RFPL1: variants seen among roughly 807,000 people sequenced by gnomAD.
RFPL1 encodes ret finger protein like 1.
Under a neutral mutation model 9.6 loss-of-function variants are expected in RFPL1, and 6 were observed. The ratio of observed to expected loss-of-function variants is 0.62; its 90% CI spans 0.34 to 1.23. The LOEUF (loss-of-function observed/expected upper bound fraction) is 1.23. Ranked by LOEUF, RFPL1 falls within the 50% of genes most tolerant of loss-of-function variation. The pLI, the probability that RFPL1 is intolerant of heterozygous loss-of-function variation, is 0.03. For synonymous variants in RFPL1, 145 were observed against 149.4 expected (o/e 0.97, Z 0.22); for missense variants, 352 against 398.4 (o/e 0.88, Z 0.99).
chr22:29,432,164 G>T, the RFPL1 span, among the ~76,000 whole-genome samples: 1 of 152,086 alleles, frequency 6.6e-6, no homozygotes, highest in Admixed American at 6.6e-5. Context: ...AGACATTAAG[G>T]GCTCCTTACC....
chr22:29,396,998 C>T, the RFPL1 span, among the ~76,000 whole-genome samples: 1 of 151,246 alleles, frequency 6.6e-6, no homozygotes, highest in Admixed American at 6.6e-5. Flanking sequence ...GCTCCGCCTC[C>T]CGGGTTCACG....
chr22:29,401,098 G>A, the RFPL1 span, among the ~76,000 whole-genome samples: 1 of 152,122 alleles, frequency 6.6e-6, no homozygotes, highest in Admixed American at 6.5e-5. Flanking sequence ...ATTAGACACA[G>A]CCTTTTAAAG....
chr22:29,409,352 A>G, the RFPL1 span, among the ~76,000 whole-genome samples: 1 of 152,238 alleles, frequency 6.6e-6, no homozygotes, highest in East Asian at 1.9e-4. Context: ...ACTATTTCGC[A>G]TTGATGAAGT....
exon 2 of RFPL1, chr22:29,442,291 T>C (rs974331455): frequency 2.3e-5 from 11 of 475,120 alleles, no homozygotes; most frequent in South Asian, 6.9e-5. Flanking sequence ...GAGTCCTAAG[T>C]ATTAATTATT....
the RFPL1 span, among the ~76,000 whole-genome samples, chr22:29,400,426 GTC>G: frequency 6.6e-6 from 1 of 152,200 alleles, no homozygotes; most frequent in African/African-American, 2.4e-5. Flanking sequence ...TAGAAGAAAT[GTC>G]TCTAGTCACA....
the RFPL1 span, among the ~76,000 whole-genome samples, chr22:29,426,142 G>A: frequency 2.0e-5 from 3 of 151,536 alleles, no homozygotes; most frequent in Admixed American, 2.0e-4. Context: ...GGCTAACATG[G>A]CCAAACCCCT....
chr22:29,442,409 A>T, exon 2 of RFPL1: 1 of 251,626 alleles, frequency 4.0e-6, no homozygotes, highest in East Asian at 7.3e-5. Context: ...GTAAGTTCAA[A>T]TTAATGTATT....
chr22:29,409,798 G>A, the RFPL1 span, among the ~76,000 whole-genome samples: 7 of 152,034 alleles, frequency 4.6e-5, no homozygotes, highest in South Asian at 2.1e-4. Flanking sequence ...TTTGATTGCC[G>A]TCATCCACCA....
upstream of RFPL1, among the ~76,000 whole-genome samples, chr22:29,435,287 C>A (rs1024099502): frequency 6.6e-6 from 1 of 152,224 alleles, no homozygotes. Flanking sequence ...CACCCTGCAC[C>A]GTGCTGCTGT....
chr22:29,436,397 C>T (rs2062808921), upstream of RFPL1: 1 of 151,844 alleles, frequency 6.6e-6, no homozygotes, highest in South Asian at 2.1e-4. Flanking sequence ...TAGAGACTAG[C>T]CTGGCCAGAA....
chr22:29,437,785 T>C (rs2062815792), upstream of RFPL1: 1 of 1,521,898 alleles, frequency 6.6e-7, no homozygotes, highest in Non-Finnish European at 8.9e-7. Flanking sequence ...GAAATGGGGG[T>C]TATGCCTTGG....
the RFPL1 span, among the ~76,000 whole-genome samples, chr22:29,402,200 C>T: frequency 6.6e-6 from 1 of 152,200 alleles, no homozygotes; most frequent in African/African-American, 2.4e-5. Context: ...GAGAAAGCTA[C>T]TTAACTTCTC....
At chr22:29,421,762 T>A in the RFPL1 span, among the ~76,000 whole-genome samples, 2 of 151,026 alleles carry the variant, frequency 1.3e-5, no homozygotes, top group Non-Finnish European at 2.9e-5. Context: ...CCCATCGATC[T>A]GGCCAGCTCC....
the RFPL1 span, among the ~76,000 whole-genome samples, chr22:29,392,540 C>T: frequency 6.6e-6 from 1 of 152,050 alleles, no homozygotes; most frequent in Non-Finnish European, 1.5e-5. Flanking sequence ...CATTTGCACA[C>T]CACCATGCCT....
chr22:29,407,079 T>TTGTGTGTGTG, the RFPL1 span, among the ~76,000 whole-genome samples: 1 of 145,918 alleles, frequency 6.9e-6, no homozygotes, highest in Non-Finnish European at 1.5e-5. Context: ...AGTTGTTCTT[T>TTGTGTGTGTG]TGTGTGTGTG....
At chr22:29,424,838 C>CG in the RFPL1 span, among the ~76,000 whole-genome samples, 9 of 108,660 alleles carry the variant, frequency 8.3e-5, no homozygotes, top group East Asian at 3.4e-4. Context: ...CTCCCACCCC[C>CG]CCCCCCGCAA....
the RFPL1 span, among the ~76,000 whole-genome samples, chr22:29,407,604 G>C: frequency 6.6e-5 from 10 of 151,734 alleles, no homozygotes; most frequent in Non-Finnish European, 1.0e-4. Flanking sequence ...GGCCTATTCA[G>C]ATGATCTATT....
the RFPL1 span, among the ~76,000 whole-genome samples, chr22:29,397,708 G>C: frequency 6.6e-6 from 1 of 152,178 alleles, no homozygotes; most frequent in African/African-American, 2.4e-5. Context: ...TATTGGGATA[G>C]GGTTACATGC....
the RFPL1 span, among the ~76,000 whole-genome samples, chr22:29,427,185 G>C: frequency 1.4e-4 from 22 of 152,282 alleles, no homozygotes; most frequent in African/African-American, 3.4e-4. Flanking sequence ...AAACACTGAG[G>C]GGGGGCCTGA....
Sources: allele counts gnomAD v4.1 joint callset (sites outside exome capture counted in the v4.1 genomes callset), GRCh38; gene constraint gnomAD v4.1.1; transcripts MANE v1.5; gene names NCBI Gene and HGNC (gene_info 2026-07-23, HGNC 2026-07-21).